SNRNP70: variants seen among roughly 807,000 people sequenced by gnomAD.
SNRNP70 encodes the protein U1 small nuclear ribonucleoprotein 70 kDa.
In SNRNP70, 8 loss-of-function variants were observed where a neutral mutation model predicts 50.5. That is an observed-to-expected ratio of 0.16 (90% CI 0.09 to 0.29). The LOEUF is 0.29. SNRNP70 is among the 10% of genes least tolerant of loss of function. The pLI, the probability that SNRNP70 is intolerant of heterozygous loss-of-function variation, is 1.00. For missense variants in SNRNP70, 529 were observed against 663.5 expected (o/e 0.80, Z 2.23); for synonymous variants, 320 against 252.9 (o/e 1.27, Z -2.52).
chr19:49,099,922 G>A (rs911590773), intron 6 of SNRNP70, among the ~76,000 whole-genome samples: 1 of 151,528 alleles, frequency 6.6e-6, no homozygotes, highest in Non-Finnish European at 1.5e-5. Flanking sequence ...GTGCCTGTGT[G>A]TGTGTGTGTA....
chr19:49,088,139 C>G (rs899082948), intron 2 of SNRNP70, among the ~76,000 whole-genome samples: 7 of 151,460 alleles, frequency 4.6e-5, no homozygotes, highest in African/African-American at 1.7e-4. Context: ...GATCCACCCC[C>G]CTTGGCCTCC....
chr19:49,108,195 C>T lies in SNRNP70; in HGVS notation c.1066C>T (p.Arg356Trp), dbSNP rs1324241997. The T allele has an allele frequency of 2.6e-6, 4 of 1,531,554 alleles. No homozygotes were observed. Among genetic ancestry groups the T allele is most frequent in the South Asian group, 1.2e-5 (1 of 81,322 alleles). The allele number at this position is 1,531,554 out of a possible 1,614,324, so 94.9% of individuals were successfully genotyped here. A position where few individuals can be genotyped will look rare whatever the true frequency, so the allele number is the denominator to read the frequency against. ...CCGGGATCGTGACCGGGAGCGACGG[C>T]GGAGCCACCGGAGCGAGCGCGAGCG... ...KGRDRDRERR[R>W]SHRSERERRR... The change falls in exon 10 of 10, where the codon CGG becomes TGG. Residue 356 changes from arginine to tryptophan, a missense_variant. Around this residue, in one of 4 missense-constraint regions of SNRNP70, gnomAD observed 327 missense variants for 308.8 expected, o/e 1.06. Transcript: ENST00000598441.
chr19:49,090,262 C>T, intron 2 of SNRNP70, 29 bp from the exon 3 acceptor site: 1 of 1,607,174 alleles, frequency 6.2e-7, no homozygotes, highest in Non-Finnish European at 8.5e-7. Context: ...CAGTCCTTCC[C>T]ACCCTGTCAC....
At chr19:49,101,558 C>T in intron 7 of SNRNP70, 87 bp downstream of exon 7, 1 of 815,648 alleles carries the variant, frequency 1.2e-6, no homozygotes, top group South Asian at 1.4e-5. Context: ...CCTCCCCCAC[C>T]CTGCCACACC....
intron 7 of SNRNP70, chr19:49,102,022 C>T: frequency 3.5e-6 from 2 of 574,268 alleles, no homozygotes; most frequent in Non-Finnish European, 5.8e-6. Flanking sequence ...CCGCGGCGTC[C>T]ACATGGGCAG....
intron 7 of SNRNP70, 107 bp downstream of exon 7, chr19:49,101,578 C>G (rs973330769): frequency 6.8e-6 from 5 of 736,342 alleles, no homozygotes; most frequent in Non-Finnish European, 1.2e-5. Flanking sequence ...CTGACATTAG[C>G]GATGTCTCTT....
At chr19:49,101,996 G>A (rs1358016181) in intron 7 of SNRNP70, 2 of 434,074 alleles carry the variant, frequency 4.6e-6, no homozygotes, top group East Asian at 1.6e-4. Flanking sequence ...CAGTTCCAAA[G>A]CCCCCTTTGA....
rs376233643 is a variant in SNRNP70 at position 49,108,089 on chromosome 19, C to T, written c.960C>T (p.Ser320=). 7 of 1,552,480 alleles carry T rather than the reference C, an allele frequency of 4.5e-6. No individual in the cohort carries two copies. The Admixed American group carries it at 6.0e-5, about 13-fold the overall frequency. ...GCGGTGGCGACATGGCGGAGCCCTC[C>T]GAGGCGGGTGACGCGCCCCCTGATG... ...RGGGGDMAEP[S]EAGDAPPDDG... is the part of the protein sequence containing the mutation. Residue 320 remains serine (S), a synonymous_variant, in exon 10 of 10, where the codon TCC becomes TCT. Transcript: ENST00000598441.
intron 4 of SNRNP70, among the ~76,000 whole-genome samples, chr19:49,092,396 C>T (rs191743444): frequency 1.3e-5 from 2 of 151,816 alleles, no homozygotes; most frequent in East Asian, 1.9e-4. Flanking sequence ...CATGAGCCAC[C>T]GTGCCTGGTC....
At chr19:49,085,896 C>T (rs2040371859) in intron 1 of SNRNP70, among the ~76,000 whole-genome samples, 1 of 152,224 alleles carries the variant, frequency 6.6e-6, no homozygotes, top group South Asian at 2.1e-4. Flanking sequence ...GTCCTGGACC[C>T]TTACCCATAA....
At chr19:49,106,876 A>C (rs1263161942) in intron 8 of SNRNP70, among the ~76,000 whole-genome samples, 3 of 152,212 alleles carry the variant, frequency 2.0e-5, no homozygotes, top group Admixed American at 6.5e-5. Flanking sequence ...AGAGCTGGGC[A>C]TGCCCACGGT....
chr19:49,098,781 G>C (rs2040544674), intron 6 of SNRNP70, 77 bp downstream of exon 6: 2 of 1,188,950 alleles, frequency 1.7e-6, no homozygotes, highest in South Asian at 2.4e-5. Context: ...AGGGAGAGAG[G>C]TCCCAGCCCT....
rs371810442 is a variant in SNRNP70 at position 49,108,173 on chromosome 19, G to C, written c.1044G>C (p.Arg348=). ...CTGACGGTCCAGAGGAAAAGGGCCG[G>C]GATCGTGACCGGGAGCGACGGCGGA... ...DGPDGPEEKG[R]DRDRERRRSH... is the part of the protein sequence containing the mutation. Residue 348 remains arginine (R), a synonymous_variant, in exon 10 of 10, where the codon CGG becomes CGC. Transcript: ENST00000598441. The C allele has an allele frequency of 1.2e-5, 18 of 1,540,796 alleles. 1 individual carries two copies. The highest frequency in any genetic ancestry group is 9.6e-5 in the African/African-American group (7 of 73,028).
At chr19:49,085,782 G>A in intron 1 of SNRNP70, 146 bp downstream of exon 1, 1 of 386,662 alleles carries the variant, frequency 2.6e-6, no homozygotes, top group Non-Finnish European at 5.2e-6. Context: ...CCCGGACCCC[G>A]AAATCTCTGG....
chr19:49,097,851 TC>T (rs140020595), intron 4 of SNRNP70, among the ~76,000 whole-genome samples: 2,480 of 152,364 alleles, frequency 0.016, 59 homozygotes, highest in African/African-American at 0.056. Context: ...GCTAGTCAGT[TC>T]CTGGGTTCCT....
intron 4 of SNRNP70, among the ~76,000 whole-genome samples, chr19:49,092,216 C>G (rs1242042600): frequency 3.9e-5 from 6 of 152,118 alleles, no homozygotes; most frequent in Non-Finnish European, 8.8e-5. Flanking sequence ...TCAAGTGATT[C>G]TCCTGCTTCA....
chr19:49,090,527 C>T lies in SNRNP70; in HGVS notation c.265+7C>T, dbSNP rs780237357. On this transcript the variant is annotated splice_region_variant and intron_variant, in intron 4 of 9. Coordinates refer to ENST00000598441, the MANE Select transcript of SNRNP70 (RefSeq NM_003089.6). ...GAGACAGAGCTTAAAATGTGTAAGT[C>T]TCTCATCCACCATTTGGCTCTCTCC... The T allele has an allele frequency of 1.9e-6, 3 of 1,613,718 alleles. No homozygotes were observed. The highest frequency in any genetic ancestry group is 2.5e-6 in the Non-Finnish European group (3 of 1,179,640).
At chr19:49,089,334 C>T (rs2040419774) in intron 2 of SNRNP70, among the ~76,000 whole-genome samples, 1 of 151,984 alleles carries the variant, frequency 6.6e-6, no homozygotes, top group South Asian at 2.1e-4. Flanking sequence ...CGATTCTAGT[C>T]AGTTGCTGGG....
At chr19:49,101,507 G>C in intron 7 of SNRNP70, 36 bp downstream of exon 7, 1 of 1,469,732 alleles carries the variant, frequency 6.8e-7, no homozygotes, top group Non-Finnish European at 9.5e-7. Flanking sequence ...CCTCTGACCT[G>C]CTCTCACTTC....
Sources: allele counts gnomAD v4.1 joint callset (sites outside exome capture counted in the v4.1 genomes callset), GRCh38; gene constraint gnomAD v4.1.1; regional missense constraint gnomAD v4.1.1; transcripts MANE v1.5; gene names NCBI Gene and HGNC (gene_info 2026-07-23, HGNC 2026-07-21).